ZRANB1: variants seen among roughly 807,000 people sequenced by gnomAD.
ZRANB1 encodes ubiquitin thioesterase ZRANB1.
In ZRANB1, 16 loss-of-function variants were observed where a neutral mutation model predicts 80.5. The ratio of observed to expected loss-of-function variants is 0.20; its 90% CI spans 0.13 to 0.30. The LOEUF (loss-of-function observed/expected upper bound fraction) is 0.30. Ranked by LOEUF, ZRANB1 falls within the 10% of genes least tolerant of loss-of-function variation. The pLI, the probability that ZRANB1 is intolerant of heterozygous loss-of-function variation, is 1.00. For missense variants in ZRANB1, 576 were observed against 862.6 expected, an observed-to-expected ratio of 0.67 and a Z score of 4.16; for synonymous variants, 291 against 293.1, an observed-to-expected ratio of 0.99 and a Z score of 0.07.
chr10:124,971,168 G>A (rs2133983477), intron 2 of ZRANB1, among the ~76,000 whole-genome samples: 1 of 152,218 alleles, frequency 6.6e-6, no homozygotes, highest in Non-Finnish European at 1.5e-5. Flanking sequence ...TGTGATTTTA[G>A]AATTCTGTGT....
At chr10:124,917,223 G>C in the ZRANB1 span, 1 of 172,192 alleles carries the variant, frequency 5.8e-6, no homozygotes, top group Non-Finnish European at 1.2e-5. Flanking sequence ...CCAAGCGCCC[G>C]TCGGACGGGG....
chr10:124,922,336 A>ATATATATATATTT, the ZRANB1 span, among the ~76,000 whole-genome samples: 1 of 44,774 alleles, frequency 2.2e-5, no homozygotes, highest in Non-Finnish European at 5.8e-5. Context: ...GTATATATAT[A>ATATATATATATTT]TTTTTTTTTT....
At chr10:124,972,392 A>G (rs1297407440) in intron 3 of ZRANB1, among the ~76,000 whole-genome samples, 8 of 151,884 alleles carry the variant, frequency 5.3e-5, no homozygotes, top group Non-Finnish European at 1.5e-5. Flanking sequence ...GTACTCTTTT[A>G]TTTTTCTCTT....
At chr10:124,951,176 T>C (rs1951635941) in intron 1 of ZRANB1, among the ~76,000 whole-genome samples, 1 of 152,224 alleles carries the variant, frequency 6.6e-6, no homozygotes, top group African/African-American at 2.4e-5. Context: ...AGTAAATTAT[T>C]AAATTAGTAT....
Position 124,983,400 on chromosome 10 carries a change from A to G in ZRANB1, c.1679-59A>G. On this transcript the variant is annotated intron_variant, in intron 7 of 8. Transcript: ENST00000359653. This position sits in a 1 kb window ranked among gnomAD's most constrained non-coding sequence, Gnocchi z 6.2. ...TGGACAGGGGAATGTGAACAAGGGCAGTGAGGGAGTGGCTCTTTCTTCCTG... is the reference window on the plus strand; with the variant it reads ...TGGACAGGGGAATGTGAACAAGGGCGGTGAGGGAGTGGCTCTTTCTTCCTG... 6.3e-7 allele frequency: 1 copy of G among 1,590,748 alleles called. No individual in the cohort carries two copies. The highest frequency in any genetic ancestry group is 8.6e-7 in the Non-Finnish European group (1 of 1,165,252).
At chr10:124,973,322 T>G (rs1262533057) in intron 3 of ZRANB1, among the ~76,000 whole-genome samples, 7 of 152,054 alleles carry the variant, frequency 4.6e-5, no homozygotes, top group Non-Finnish European at 8.8e-5. Context: ...CTGATTAATT[T>G]TTGTATATTT....
In ZRANB1 at chr10:124,943,063, G is replaced by C; in HGVS notation, c.570G>C (p.Glu190Asp). 6.2e-7 allele frequency: 1 copy of C among 1,614,174 alleles called. No individual in the cohort carries two copies. The highest frequency in any genetic ancestry group is 8.5e-7 in the Non-Finnish European group (1 of 1,180,028). Residue 190 changes from glutamate (E) to aspartate (D), a missense_variant, in exon 1 of 9, where the codon GAG becomes GAC. This residue lies in a region of ZRANB1 where 411 missense variants were observed against 583.1 expected (regional missense o/e 0.70). Transcript: ENST00000359653. ...IEAIELAETE[E>D]ASSIINEQDR... is the part of the protein sequence containing the mutation. Reference sequence around the variant, plus strand: ...CAATAGAATTGGCAGAGACTGAAGAGGCTTCTTCAATAATAAATGAGCAAG... The same window carrying C: ...CAATAGAATTGGCAGAGACTGAAGACGCTTCTTCAATAATAAATGAGCAAG...
intron 1 of ZRANB1, chr10:124,945,283 T>C (rs924594321): frequency 1.3e-5 from 2 of 152,224 alleles, no homozygotes; most frequent in African/African-American, 4.8e-5. Context: ...CAGTCTGCTT[T>C]TGGTGTCTGT....
the ZRANB1 span, among the ~76,000 whole-genome samples, chr10:124,924,856 T>C: frequency 1.3e-5 from 2 of 152,166 alleles, no homozygotes; most frequent in Non-Finnish European, 2.9e-5. Context: ...CTAATTATGT[T>C]TAACCTTTGA....
At chr10:124,940,841 G>A (rs988846248), upstream of ZRANB1, among the ~76,000 whole-genome samples, 1 of 152,070 alleles carries the variant, frequency 6.6e-6, no homozygotes, top group African/African-American at 2.4e-5. Context: ...GCCGGGCATG[G>A]TGGCATGCAC....
In ZRANB1 at chr10:124,987,422, T is replaced by C. The variant is rs902938571; in HGVS notation, c.*2430T>C. 8 of 152,148 alleles carry C rather than the reference T, an allele frequency of 5.3e-5. No homozygotes were observed. Among genetic ancestry groups the C allele is most frequent in the South Asian group, 2.1e-4 (1 of 4,822 alleles). The allele number at this position is 152,148 out of a possible 1,614,324, so 9.4% of individuals were successfully genotyped here. A position where few individuals can be genotyped will look rare whatever the true frequency, so the allele number is the denominator to read the frequency against. Reference sequence around the variant, plus strand: ...CAAGATCTAATAATTAAAACCCAGGTGGACCATGGATTCAGACCTGCCTTT... The same window carrying C: ...CAAGATCTAATAATTAAAACCCAGGCGGACCATGGATTCAGACCTGCCTTT... On this transcript the variant is annotated 3_prime_UTR_variant, in exon 9 of 9. Transcript: ENST00000359653.
chr10:124,971,262 G>A (rs763471518), intron 2 of ZRANB1, among the ~76,000 whole-genome samples: 4 of 152,150 alleles, frequency 2.6e-5, no homozygotes, highest in Non-Finnish European at 5.9e-5. Context: ...TTGCTATTTA[G>A]CATTTTAAAA....
chr10:124,938,505 T>G (rs1261246233), upstream of ZRANB1, among the ~76,000 whole-genome samples: 1 of 151,952 alleles, frequency 6.6e-6, no homozygotes, highest in Non-Finnish European at 1.5e-5. Flanking sequence ...TTTTGTATTT[T>G]TTGAAGAGAT....
the ZRANB1 span, among the ~76,000 whole-genome samples, chr10:124,934,392 T>C: frequency 2.0e-5 from 3 of 152,224 alleles, no homozygotes; most frequent in Non-Finnish European, 2.9e-5. Flanking sequence ...TACATACAAT[T>C]TCACACTAAT....
intron 5 of ZRANB1, among the ~76,000 whole-genome samples, chr10:124,978,793 A>ATTTTTTTTT (rs35714295): frequency 8.7e-5 from 10 of 115,428 alleles, no homozygotes; most frequent in Admixed American, 1.9e-4. Flanking sequence ...TTCCCAGCTA[A>ATTTTTTTTT]TTTTTTTTTT....
rs1589860312 is a variant in ZRANB1 at position 124,985,116 on chromosome 10, A to G, written c.*124A>G. On this transcript the variant is annotated 3_prime_UTR_variant, in exon 9 of 9. Transcript: ENST00000359653. ...AAATCTGGCAGGATCTGCTCGGGGA[A>G]GTGTTTTCCTGGACCACACACACCT... The G allele has an allele frequency of 1.3e-6, 1 of 741,412 alleles. No homozygotes were observed. The highest frequency in any genetic ancestry group is 2.2e-6 in the Non-Finnish European group (1 of 451,962). 45.9% of individuals were successfully genotyped at this position (741,412 alleles called of 1,614,324 possible).
At chr10:124,919,976 G>A in the ZRANB1 span, among the ~76,000 whole-genome samples, 4 of 135,870 alleles carry the variant, frequency 2.9e-5, no homozygotes, top group Admixed American at 8.5e-5. Context: ...CTGGAGTGCC[G>A]TGGCATGATC....
rs189400931 is a variant in ZRANB1 at position 124,961,928 on chromosome 10, T to C, written c.815-4666T>C. ...ATAGTGGATCTTAACTTGTTGCTAT[T>C]ATTATGTGGAAAATACAACCAGGAG... On this transcript the variant is annotated intron_variant, in intron 1 of 8. Coordinates refer to ENST00000359653, the MANE Select transcript of ZRANB1 (RefSeq NM_017580.3). Among the ~76,000 whole-genome samples, 925 of 152,322 alleles carry C rather than the reference T, an allele frequency of 6.1e-3. 29 individuals are homozygous for C. Among genetic ancestry groups the C allele is most frequent in the Admixed American group, 0.054 (828 of 15,298 alleles).
chr10:124,934,912 G>A, the ZRANB1 span, among the ~76,000 whole-genome samples: 5 of 152,196 alleles, frequency 3.3e-5, no homozygotes, highest in African/African-American at 7.2e-5. Context: ...GAAGTTTGAG[G>A]AAGAAAAGCT....
Sources: allele counts gnomAD v4.1 joint callset (sites outside exome capture counted in the v4.1 genomes callset), GRCh38; gene constraint gnomAD v4.1.1; regional missense constraint gnomAD v4.1.1; non-coding constraint Gnocchi (gnomAD v3.1); transcripts MANE v1.5; gene names NCBI Gene and HGNC (gene_info 2026-07-23, HGNC 2026-07-21).